Variants in ZNF700 observed in about 807,000 individuals in gnomAD.
ZNF700 encodes the protein zinc finger protein 700.
Under a neutral mutation model 65.3 loss-of-function variants are expected in ZNF700, and 38 were observed. That is an observed-to-expected ratio of 0.58 (90% CI 0.45 to 0.76). The LOEUF (loss-of-function observed/expected upper bound fraction) is 0.76. Among genes scored for constraint, ZNF700 ranks in the 30% least tolerant of loss-of-function variants. The pLI is 0.00. For synonymous variants in ZNF700, 285 were observed against 290.4 expected, an observed-to-expected ratio of 0.98 and a Z score of 0.19; for missense variants, 857 against 888.4, an observed-to-expected ratio of 0.96 and a Z score of 0.45.
At chr19:11,936,018 C>T (rs1490177467) in intron 1 of ZNF700, among the ~76,000 whole-genome samples, 3 of 152,140 alleles carry the variant, frequency 2.0e-5, no homozygotes, top group Non-Finnish European at 4.4e-5. Flanking sequence ...TCATCCATGT[C>T]CCTGCAAAGG....
chr19:11,927,519 C>T (rs1324542975), intron 1 of ZNF700, among the ~76,000 whole-genome samples: 1 of 151,984 alleles, frequency 6.6e-6, no homozygotes, highest in Non-Finnish European at 1.5e-5. Context: ...CATCCTCATA[C>T]AGCAAGTGGA....
intron 1 of ZNF700, among the ~76,000 whole-genome samples, chr19:11,940,281 T>C (rs1972860654): frequency 6.6e-6 from 1 of 152,184 alleles, no homozygotes; most frequent in African/African-American, 2.4e-5. Context: ...GTGTCCGGAA[T>C]TGGTGGGTTC....
chr19:11,932,865 C>T (rs937087974), intron 1 of ZNF700, among the ~76,000 whole-genome samples: 2 of 148,004 alleles, frequency 1.4e-5, no homozygotes, highest in Non-Finnish European at 2.9e-5. Flanking sequence ...TCTCAATATC[C>T]TGACCTCGTG....
intron 1 of ZNF700, among the ~76,000 whole-genome samples, chr19:11,940,360 G>A (rs556399098): frequency 7.9e-5 from 12 of 152,144 alleles, no homozygotes; most frequent in South Asian, 6.2e-4. Flanking sequence ...TTAAGGTGGC[G>A]TGTCTGGAGT....
chr19:11,943,265 GATT>G (rs1316420236), intron 1 of ZNF700, among the ~76,000 whole-genome samples: 1 of 152,162 alleles, frequency 6.6e-6, no homozygotes, highest in Non-Finnish European at 1.5e-5. Flanking sequence ...ACTTGCCCTT[GATT>G]ATTTATATGC....
chr19:11,937,778 G>A lies in ZNF700; in HGVS notation c.64-9403G>A, dbSNP rs558322459. Reference sequence around the variant, plus strand: ...GCTGGGATTACAAGTGTGAGCCACCGCACCTGGCCTATAGATTTTTCTACG... The same window carrying A: ...GCTGGGATTACAAGTGTGAGCCACCACACCTGGCCTATAGATTTTTCTACG... On this transcript the variant is annotated intron_variant, in intron 1 of 3. Transcript: ENST00000254321. 5.3e-5 allele frequency among the ~76,000 whole-genome samples: 8 copies of A among 152,036 alleles called. No homozygotes were observed. The East Asian group carries it at 1.2e-3, about 22-fold the overall frequency.
At position 11,950,058 on chromosome 19, in the gene ZNF700, T is replaced by TA. The variant is rs1291428276; in HGVS notation, c.2036dup (p.His680AlafsTer26). On this transcript the variant is annotated frameshift_variant, in exon 4 of 4. Coordinates refer to ENST00000254321, the MANE Select transcript of ZNF700 (RefSeq NM_144566.3). LOFTEE classifies it high-confidence loss of function. ...ACAGAGGAGAGAAGCCCTATGAATG[T>TA]AAGCATTGTGGGAATGGATTCACAT... is the stretch of plus-strand genomic sequence containing the variant. 1 of 1,614,204 alleles carries TA rather than the reference T, an allele frequency of 6.2e-7. No individual in the cohort carries two copies.
intron 1 of ZNF700, among the ~76,000 whole-genome samples, chr19:11,936,271 C>T (rs1972793536): frequency 6.6e-6 from 1 of 152,186 alleles, no homozygotes; most frequent in South Asian, 2.1e-4. Context: ...ACACTGTCTT[C>T]CACAATGGTT....
chr19:11,938,133 A>G (rs922312846), intron 1 of ZNF700, among the ~76,000 whole-genome samples: 1 of 151,864 alleles, frequency 6.6e-6, no homozygotes, highest in Non-Finnish European at 1.5e-5. Context: ...CAGTGGCATG[A>G]TCTTGGCTCA....
rs1973047972 is a variant in ZNF700 at position 11,950,345 on chromosome 19, C to A, written c.*92C>A. On this transcript the variant is annotated 3_prime_UTR_variant, in exon 4 of 4. Transcript: ENST00000254321. ...GGCAAAACTTTCACATTTTCCAGTT[C>A]TTTTCGATATCATGAAAGGACTCAC... 1.5e-6 allele frequency: 2 copies of A among 1,292,970 alleles called. No homozygotes were observed. The highest frequency in any genetic ancestry group is 2.2e-6 in the Non-Finnish European group (2 of 919,018). 80.1% of individuals were successfully genotyped at this position (1,292,970 alleles called of 1,614,324 possible). A position where few individuals can be genotyped will look rare whatever the true frequency, so the allele number is the denominator to read the frequency against.
rs545415534 is a variant in ZNF700, at chr19:11,934,916, C to T, written c.63+9643C>T. ...CAGTCTTTGGTCGGGTGCGGTGGCT[C>T]ACGCCTGTAATCCCAGCACTTTGGG... On this transcript the variant is annotated intron_variant, in intron 1 of 3. Coordinates refer to ENST00000254321, the MANE Select transcript of ZNF700 (RefSeq NM_144566.3). 2.3e-3 allele frequency among the ~76,000 whole-genome samples: 336 copies of T among 147,614 alleles called. 54 individuals are homozygous for T. Among genetic ancestry groups the T allele is most frequent in the African/African-American group, 8.3e-3 (312 of 37,670 alleles).
Position 11,941,506 on chromosome 19 carries a change from G to A in ZNF700, c.64-5675G>A, listed in dbSNP as rs1440651509. 2.0e-5 allele frequency among the ~76,000 whole-genome samples: 3 copies of A among 152,204 alleles called. No individual in the cohort carries two copies. In the East Asian group the frequency reaches 5.8e-4, roughly 29 times the overall value. On this transcript the variant is annotated intron_variant, in intron 1 of 3. Coordinates refer to ENST00000254321, the MANE Select transcript of ZNF700 (RefSeq NM_144566.3). ...CACCGGTGGGCTGGCACTACTGGGG[G>A]ACCCAGTACACCCTCTGCAGCCGCT... is the stretch of plus-strand genomic sequence containing the variant.
At chr19:11,947,151 A>G in intron 1 of ZNF700, 30 bp from the exon 2 acceptor site, 1 of 1,608,418 alleles carries the variant, frequency 6.2e-7, no homozygotes, top group Middle Eastern at 1.7e-4. Flanking sequence ...ACTCTCACCC[A>G]TCTTCCTCTA....
At chr19:11,943,001 T>G (rs534563928) in intron 1 of ZNF700, among the ~76,000 whole-genome samples, 2 of 152,344 alleles carry the variant, frequency 1.3e-5, no homozygotes, top group South Asian at 4.1e-4. Context: ...TAGTGGTTAA[T>G]GTAATACACT....
intron 1 of ZNF700, among the ~76,000 whole-genome samples, chr19:11,929,015 ATAGG>A (rs1282658875): frequency 6.7e-6 from 1 of 148,344 alleles, no homozygotes; most frequent in African/African-American, 2.6e-5. Flanking sequence ...ACAAAACGCT[ATAGG>A]TAGGAAAGAA....
intron 1 of ZNF700, among the ~76,000 whole-genome samples, chr19:11,928,664 G>A (rs1209322112): frequency 1.4e-5 from 2 of 145,276 alleles, no homozygotes; most frequent in Admixed American, 6.7e-5. Context: ...CCCGGGAGGC[G>A]GAGCTTGCAG....
At chr19:11,941,301 C>T (rs936691307) in intron 1 of ZNF700, among the ~76,000 whole-genome samples, 5 of 152,252 alleles carry the variant, frequency 3.3e-5, no homozygotes, top group African/African-American at 1.2e-4. Context: ...GCCCGCACTC[C>T]TCAGCCCTTG....
chr19:11,934,853 G>A lies in ZNF700; in HGVS notation c.63+9580G>A, dbSNP rs534214181. ...TTTTCATTTCGCTCTTTAATGACAC[G>A]TGATGTAGAGCATCCTGTCATATGT... On this transcript the variant is annotated intron_variant, in intron 1 of 3. Coordinates refer to ENST00000254321, the MANE Select transcript of ZNF700 (RefSeq NM_144566.3). 2.0e-5 allele frequency among the ~76,000 whole-genome samples: 3 copies of A among 147,514 alleles called. No individual in the cohort carries two copies. In the East Asian group the frequency reaches 6.0e-4, roughly 29 times the overall value.
At position 11,950,322 on chromosome 19, in the gene ZNF700, C is replaced by T; in HGVS notation, c.*69C>T. 6.8e-7 allele frequency: 1 copy of T among 1,468,786 alleles called. No homozygotes were observed. Among genetic ancestry groups the T allele is most frequent in the East Asian group, 2.3e-5 (1 of 43,450 alleles). 91.0% of individuals were successfully genotyped at this position (1,468,786 alleles called of 1,614,324 possible). A position where few individuals can be genotyped will look rare whatever the true frequency, so the allele number is the denominator to read the frequency against. On this transcript the variant is annotated 3_prime_UTR_variant, in exon 4 of 4. Coordinates refer to ENST00000254321, the MANE Select transcript of ZNF700 (RefSeq NM_144566.3). ...AGCACTATGAATGCAAGCAATGTGGCAAAACTTTCACATTTTCCAGTTCTT... is the reference window on the plus strand; with the variant it reads ...AGCACTATGAATGCAAGCAATGTGGTAAAACTTTCACATTTTCCAGTTCTT...
Sources: gnomAD v4.1 joint callset for allele counts (sites outside exome capture counted in the v4.1 genomes callset) on GRCh38, gnomAD v4.1.1 for gene constraint, MANE v1.5 for transcripts, NCBI Gene and HGNC (gene_info 2026-07-23, HGNC 2026-07-21) for gene names.